SYN3: variants seen among roughly 807,000 people sequenced by gnomAD.
SYN3 encodes the protein synapsin III, also known as synapsin-3.
A neutral mutation model predicts 65.8 loss-of-function variants in SYN3; 35 were observed. That is an observed-to-expected ratio of 0.53 (90% CI 0.41 to 0.70). The LOEUF (loss-of-function observed/expected upper bound fraction) is 0.70. Ranked by LOEUF, SYN3 falls within the 30% of genes least tolerant of loss-of-function variation. SYN3 has a pLI of 0.00. For synonymous variants in SYN3, 270 were observed against 292.9 expected (o/e 0.92, Z 0.80); for missense variants, 680 against 749.0 (o/e 0.91, Z 1.08).
intron 11 of SYN3, 147 bp downstream of exon 11, chr22:32,528,727 T>A: frequency 8.8e-7 from 1 of 1,138,654 alleles, no homozygotes; most frequent in African/African-American, 1.6e-5. Flanking sequence ...CTCTCCCCAA[T>A]GTCTGGCCTT....
At chr22:32,527,369 G>A (rs1435865277) in intron 12 of SYN3, among the ~76,000 whole-genome samples, 1 of 152,202 alleles carries the variant, frequency 6.6e-6, no homozygotes, top group Non-Finnish European at 1.5e-5. Context: ...GGAGGCTGAG[G>A]TGGGCGGATC....
chr22:32,612,342 A>G (rs2059456471), intron 6 of SYN3, among the ~76,000 whole-genome samples: 1 of 152,198 alleles, frequency 6.6e-6, no homozygotes, highest in Admixed American at 6.5e-5. Context: ...AGTGGGGGAC[A>G]GTCTTGTGGG....
intron 6 of SYN3, among the ~76,000 whole-genome samples, chr22:32,798,280 T>G (rs1327503809): frequency 1.3e-5 from 2 of 152,084 alleles, no homozygotes; most frequent in Non-Finnish European, 2.9e-5. Flanking sequence ...TGTCTACAGA[T>G]CTGAAAAGCA....
intron 2 of SYN3, among the ~76,000 whole-genome samples, chr22:32,998,064 C>T (rs2052938871): frequency 3.3e-5 from 5 of 151,878 alleles, no homozygotes. Flanking sequence ...AATGTCATTC[C>T]TCAGTTTGAT....
chr22:32,733,720 TG>T (rs199939347), intron 6 of SYN3, among the ~76,000 whole-genome samples: 1,583 of 152,272 alleles, frequency 0.01, 9 homozygotes, highest in Middle Eastern at 0.037. Flanking sequence ...CAAGTACAAA[TG>T]GCTGAAAGTT....
chr22:32,887,736 T>A (rs2049332230), intron 4 of SYN3, among the ~76,000 whole-genome samples: 1 of 152,238 alleles, frequency 6.6e-6, no homozygotes, highest in African/African-American at 2.4e-5. Flanking sequence ...GTACCACATT[T>A]TGTTTATTGT....
intron 6 of SYN3, among the ~76,000 whole-genome samples, chr22:32,605,236 G>C (rs796572735): frequency 2.6e-5 from 4 of 152,202 alleles, no homozygotes; most frequent in African/African-American, 9.6e-5. Flanking sequence ...AGAGTCAGGA[G>C]GAATGTGGTG....
intron 6 of SYN3, among the ~76,000 whole-genome samples, chr22:32,714,865 A>T (rs1336257581): frequency 6.6e-6 from 1 of 152,204 alleles, no homozygotes; most frequent in African/African-American, 2.4e-5. Flanking sequence ...GAGGCCAGGT[A>T]TATAAAGCAT....
intron 6 of SYN3, among the ~76,000 whole-genome samples, chr22:32,708,174 C>T (rs948224672): frequency 2.0e-5 from 3 of 152,198 alleles, no homozygotes; most frequent in African/African-American, 7.2e-5. Context: ...TGATCTGCAG[C>T]AGGCAGTGGT....
chr22:32,995,846 A>G (rs973523560), intron 2 of SYN3, among the ~76,000 whole-genome samples: 4 of 152,102 alleles, frequency 2.6e-5, no homozygotes, highest in African/African-American at 9.7e-5. Flanking sequence ...TATTTTTAGT[A>G]GAGATGGGGT....
chr22:32,520,093 G>T (rs1429186395), intron 12 of SYN3, among the ~76,000 whole-genome samples: 1 of 152,010 alleles, frequency 6.6e-6, no homozygotes, highest in East Asian at 1.9e-4. Context: ...AAAGAAATAG[G>T]TGAACATAAT....
At chr22:32,708,855 G>A (rs140370847) in intron 6 of SYN3, among the ~76,000 whole-genome samples, 130 of 152,352 alleles carry the variant, frequency 8.5e-4, no homozygotes, top group African/African-American at 2.9e-3. Context: ...CCTTGAGCCA[G>A]CCATTTCCTG....
At chr22:32,613,179 CT>C (rs905043851) in intron 6 of SYN3, among the ~76,000 whole-genome samples, 29 of 150,792 alleles carry the variant, frequency 1.9e-4, no homozygotes, top group East Asian at 1.6e-3. Context: ...ATTAAGCCTC[CT>C]TTTTTTTTAA....
chr22:32,963,069 A>T (rs1404341187), intron 3 of SYN3, among the ~76,000 whole-genome samples: 1 of 141,686 alleles, frequency 7.1e-6, no homozygotes, highest in Admixed American at 7.9e-5. Flanking sequence ...TATTATTGAC[A>T]TTACAAAATA....
intron 6 of SYN3, among the ~76,000 whole-genome samples, chr22:32,762,367 C>T (rs555977436): frequency 1.1e-3 from 166 of 152,326 alleles, no homozygotes; most frequent in African/African-American, 3.8e-3. Context: ...GCTCCCTGTC[C>T]ATACGTCTTT....
At chr22:32,650,347 A>G (rs114653774) in intron 6 of SYN3, among the ~76,000 whole-genome samples, 5,488 of 147,184 alleles carry the variant, frequency 0.037, 269 homozygotes, top group African/African-American at 0.1. Flanking sequence ...GTTCACTGCA[A>G]CCTCTGCCTC....
Position 32,801,059 on chromosome 22 carries a change from A to G in SYN3, c.711+63856T>C, listed in dbSNP as rs2046558757. On this transcript the variant is annotated intron_variant, in intron 6 of 13. Coordinates refer to ENST00000358763, the MANE Select transcript of SYN3 (RefSeq NM_003490.4). This position sits in a 1 kb window ranked among gnomAD's most constrained non-coding sequence, Gnocchi z 4.7. ...CCAGCATCCTGAACCGTGTTTGTTG[A>G]ATGAATACAGAACCCCGTTTGCTCT... Among the ~76,000 whole-genome samples the G allele has an allele frequency of 6.6e-6, 1 of 152,204 alleles. No homozygotes were observed. Among genetic ancestry groups the G allele is most frequent in the Non-Finnish European group, 1.5e-5 (1 of 68,034 alleles).
intron 6 of SYN3, among the ~76,000 whole-genome samples, chr22:32,796,258 G>C (rs2046425085): frequency 6.6e-6 from 1 of 152,124 alleles, no homozygotes; most frequent in South Asian, 2.1e-4. Flanking sequence ...TGGAATATTT[G>C]ACTCTGCTTT....
chr22:32,762,104 A>G (rs2045498646), intron 6 of SYN3, among the ~76,000 whole-genome samples: 1 of 152,230 alleles, frequency 6.6e-6, no homozygotes, highest in African/African-American at 2.4e-5. Flanking sequence ...CAGTAGTTTG[A>G]ACCCTAAGTG....
Sources: allele counts gnomAD v4.1 joint callset (sites outside exome capture counted in the v4.1 genomes callset), GRCh38; gene constraint gnomAD v4.1.1; non-coding constraint Gnocchi (gnomAD v3.1); transcripts MANE v1.5; gene names NCBI Gene and HGNC (gene_info 2026-07-23, HGNC 2026-07-21).